The following ARMH4 variants were observed in gnomAD, a reference collection of about 807,000 sequenced individuals.
The protein encoded by ARMH4 is armadillo like helical domain containing 4, also known as armadillo-like helical domain-containing protein 4.
ARMH4 carries 49 observed loss-of-function variants against 61.9 expected under a neutral mutation model. The observed-to-expected ratio is 0.79, with a 90% CI of 0.63 to 1.00. The LOEUF is 1.00. Among genes scored for constraint, ARMH4 ranks in the 50% least tolerant of loss-of-function variants. The probability of loss-of-function intolerance (pLI) is 0.00; values close to 1 mark genes in which losing one functional copy is unlikely to be tolerated. For missense variants in ARMH4, 934 were observed against 930.0 expected (o/e 1.00, Z -0.06); for synonymous variants, 368 against 341.5 (o/e 1.08, Z -0.85).
At chr14:58,111,393 C>A (rs545621410) in intron 4 of ARMH4, among the ~76,000 whole-genome samples, 2 of 152,024 alleles carry the variant, frequency 1.3e-5, no homozygotes, top group East Asian at 3.9e-4. Context: ...ACACAATGTC[C>A]AAAAAGAAAA....
chr14:58,118,851 C>T (rs1212673780), intron 4 of ARMH4, among the ~76,000 whole-genome samples: 1 of 152,160 alleles, frequency 6.6e-6, no homozygotes, highest in East Asian at 1.9e-4. Context: ...ATGTACATCT[C>T]TTCCTGAGCC....
intron 4 of ARMH4, among the ~76,000 whole-genome samples, chr14:58,105,744 A>G (rs1315625558): frequency 1.3e-5 from 2 of 152,102 alleles, no homozygotes; most frequent in African/African-American, 2.4e-5. Flanking sequence ...TTTACTATGC[A>G]TAGTAGAAAC....
chr14:58,102,965 C>G (rs1886050427), intron 4 of ARMH4, among the ~76,000 whole-genome samples: 1 of 151,786 alleles, frequency 6.6e-6, no homozygotes, highest in South Asian at 2.1e-4. Context: ...GAAACCTACT[C>G]TGTACTAAAA....
chr14:58,108,718 T>G (rs930082257), intron 4 of ARMH4, among the ~76,000 whole-genome samples: 1 of 152,186 alleles, frequency 6.6e-6, no homozygotes, highest in Non-Finnish European at 1.5e-5. Context: ...ATAAATGATC[T>G]CTAGTGTATT....
At chr14:58,112,828 C>T (rs996354520) in intron 4 of ARMH4, among the ~76,000 whole-genome samples, 4 of 152,146 alleles carry the variant, frequency 2.6e-5, no homozygotes, top group Non-Finnish European at 2.9e-5. Flanking sequence ...ACCATTGCTG[C>T]TAAGTCTGCT....
chr14:58,016,817 G>A (rs1594692078), intron 5 of ARMH4, among the ~76,000 whole-genome samples: 1 of 152,130 alleles, frequency 6.6e-6, no homozygotes, highest in Non-Finnish European at 1.5e-5. Flanking sequence ...AAGGTACACA[G>A]AAAAGAAAGT....
At chr14:58,100,117 A>G (rs961987895) in intron 4 of ARMH4, among the ~76,000 whole-genome samples, 3 of 152,192 alleles carry the variant, frequency 2.0e-5, no homozygotes, top group African/African-American at 7.2e-5. Context: ...AGAAACAGGC[A>G]TGGTGCAGGA....
At chr14:58,112,301 G>A (rs1009927941) in intron 4 of ARMH4, among the ~76,000 whole-genome samples, 1 of 71,420 alleles carries the variant, frequency 1.4e-5, no homozygotes, top group South Asian at 4.0e-4. Context: ...TTTTTTTTTT[G>A]GCTTTTTTTC....
intron 5 of ARMH4, among the ~76,000 whole-genome samples, chr14:58,074,551 A>G (rs1053210304): frequency 2.6e-5 from 4 of 151,784 alleles, no homozygotes; most frequent in African/African-American, 9.7e-5. Flanking sequence ...TCTGATTTGT[A>G]GTATTTATTA....
intron 5 of ARMH4, among the ~76,000 whole-genome samples, chr14:58,023,280 G>T (rs969577604): frequency 6.6e-6 from 1 of 152,140 alleles, no homozygotes; most frequent in Non-Finnish European, 1.5e-5. Flanking sequence ...CTCAAACCCT[G>T]CCACTGCTTG....
intron 5 of ARMH4, among the ~76,000 whole-genome samples, chr14:58,050,164 A>G (rs1411209458): frequency 2.0e-5 from 3 of 152,152 alleles, no homozygotes; most frequent in Admixed American, 6.5e-5. Flanking sequence ...CATTTTCCCA[A>G]TGGCTTTTAC....
At chr14:58,114,973 T>C (rs961707294) in intron 4 of ARMH4, among the ~76,000 whole-genome samples, 9 of 152,180 alleles carry the variant, frequency 5.9e-5, no homozygotes, top group Middle Eastern at 3.4e-3. Context: ...ATGTAAGACA[T>C]AAAACTATAA....
chr14:58,055,374 CA>C (rs1262370617), intron 5 of ARMH4, among the ~76,000 whole-genome samples: 2 of 152,122 alleles, frequency 1.3e-5, no homozygotes, highest in East Asian at 3.9e-4. Flanking sequence ...CAATTAGTTT[CA>C]AAGGCTTATG....
At chr14:58,082,213 T>C (rs1469554492) in intron 5 of ARMH4, among the ~76,000 whole-genome samples, 1 of 152,228 alleles carries the variant, frequency 6.6e-6, no homozygotes, top group Non-Finnish European at 1.5e-5. Context: ...TTATTTTTGA[T>C]AGTGGATTCC....
intron 5 of ARMH4, among the ~76,000 whole-genome samples, chr14:58,094,760 C>T (rs572431408): frequency 2.6e-5 from 4 of 152,208 alleles, no homozygotes; most frequent in Non-Finnish European, 5.9e-5. Context: ...GACCAAAGGC[C>T]AGTGGTTATC....
Position 58,138,327 on chromosome 14 carries a change from C to T in ARMH4, c.1032G>A (p.Gln344=). Residue 344 remains glutamine, a synonymous_variant, in exon 2 of 8, where the codon CAG becomes CAA. Transcript: ENST00000267485. The part of the protein sequence containing the change: ...EETQVRTEMS[Q]TAQVSHEGME... ...TACCCTCATGGCTTACTTGTGCTGT[C>T]TGAGACATCTCCGTTCTCACCTGAG... 6.2e-7 allele frequency: 1 copy of T among 1,614,232 alleles called. No homozygotes were observed. The highest frequency in any genetic ancestry group is 8.5e-7 in the Non-Finnish European group (1 of 1,180,036).
chr14:58,056,746 G>A (rs1273765438), intron 5 of ARMH4, among the ~76,000 whole-genome samples: 1 of 152,254 alleles, frequency 6.6e-6, no homozygotes, highest in Middle Eastern at 3.4e-3. Flanking sequence ...GGCTCTCTAA[G>A]GCAAAGCTTG....
At chr14:58,014,444 C>T (rs1320608618) in intron 5 of ARMH4, among the ~76,000 whole-genome samples, 2 of 152,102 alleles carry the variant, frequency 1.3e-5, no homozygotes, top group African/African-American at 4.8e-5. Context: ...AAACTCTGGA[C>T]CCACAGCTTC....
At chr14:58,029,997 T>A (rs1053991364) in intron 5 of ARMH4, among the ~76,000 whole-genome samples, 4 of 152,170 alleles carry the variant, frequency 2.6e-5, no homozygotes, top group African/African-American at 9.7e-5. Context: ...GGTATAGACA[T>A]ACAGTGGAAT....
Sources: gnomAD v4.1 joint callset for allele counts (sites outside exome capture counted in the v4.1 genomes callset) on GRCh38, gnomAD v4.1.1 for gene constraint, MANE v1.5 for transcripts, NCBI Gene and HGNC (gene_info 2026-07-23, HGNC 2026-07-21) for gene names.